CASK: variants seen among roughly 807,000 people sequenced by gnomAD.
CASK encodes the protein calcium/calmodulin dependent serine protein kinase, also known as peripheral plasma membrane protein CASK.
CASK carries 4 observed loss-of-function variants against 82.9 expected under a neutral mutation model. The observed-to-expected ratio is 0.05, with a 90% CI of 0.02 to 0.11. CASK has a LOEUF of 0.11. CASK is among the 10% of genes least tolerant of loss of function. The pLI is 1.00. For missense variants in CASK, 358 were observed against 720.9 expected, an observed-to-expected ratio of 0.50 and a Z score of 5.76; for synonymous variants, 259 against 253.5, an observed-to-expected ratio of 1.02 and a Z score of -0.20.
intron 19 of CASK, chrX:41,556,291 ACAG>A (rs1214863753): frequency 4.4e-5 from 5 of 112,728 alleles, no homozygotes; most frequent in Non-Finnish European, 7.5e-5. Flanking sequence ...TGGGTCATAA[ACAG>A]CAGTATTAGC....
At chrX:41,618,881 C>T (rs1288089787) in intron 11 of CASK, among the ~76,000 whole-genome samples, 3 of 97,794 alleles carry the variant, frequency 3.1e-5, no homozygotes, top group Non-Finnish European at 4.0e-5. Flanking sequence ...GGCTGGAGGG[C>T]GGTGGTGTGA....
intron 5 of CASK, among the ~76,000 whole-genome samples, chrX:41,679,916 A>C (rs2147517762): frequency 9.0e-6 from 1 of 111,411 alleles, no homozygotes; most frequent in African/African-American, 3.3e-5. Flanking sequence ...AACGATTTAA[A>C]TCCATGATGT....
At chrX:41,792,886 T>C (rs1402365369) in intron 2 of CASK, among the ~76,000 whole-genome samples, 1 of 111,574 alleles carries the variant, frequency 9.0e-6, no homozygotes, top group Non-Finnish European at 1.9e-5. Flanking sequence ...AATAACTGCA[T>C]GTGGCTAGTG....
At chrX:41,557,437 T>C (rs1220093490) in intron 18 of CASK, among the ~76,000 whole-genome samples, 1 of 111,439 alleles carries the variant, frequency 9.0e-6, no homozygotes, top group Non-Finnish European at 1.9e-5. Context: ...CCATAAATTA[T>C]CGTGCTGAAG....
chrX:41,550,084 C>T (rs759174622), intron 21 of CASK, among the ~76,000 whole-genome samples: 48 of 110,836 alleles, frequency 4.3e-4, no homozygotes, highest in African/African-American at 1.2e-3. Context: ...TCACTTGAAC[C>T]GGGGAGGCAG....
chrX:41,612,702 T>TG lies in CASK; in HGVS notation c.1034-2678dup, dbSNP rs1243982612. Among the ~76,000 whole-genome samples, 88 of 34,248 alleles carry TG rather than the reference T, an allele frequency of 2.6e-3. 2 individuals carry two copies. Among genetic ancestry groups the TG allele is most frequent in the African/African-American group, 0.01 (88 of 8,382 alleles). 29.7% of individuals were successfully genotyped at this position (34,248 alleles called of 115,157 possible). A position where few individuals can be genotyped will look rare whatever the true frequency, so the allele number is the denominator to read the frequency against. On this transcript the variant is annotated intron_variant, in intron 11 of 26. Coordinates refer to ENST00000378163, the MANE Select transcript of CASK (RefSeq NM_001367721.1). The stretch of plus-strand genomic sequence containing the variant: ...CCAGCCGCCCCGTCCGGGAGGGAGG[T>TG]GGGGGGGTCAGCTCCCCGCCCGGCC...
At chrX:41,717,104 A>G (rs1458636188) in intron 5 of CASK, among the ~76,000 whole-genome samples, 2 of 110,099 alleles carry the variant, frequency 1.8e-5, no homozygotes, top group Non-Finnish European at 3.8e-5. Context: ...CTCCCTGCAC[A>G]CTTCAAATTA....
chrX:41,640,424 G>A (rs2066629357), intron 8 of CASK, among the ~76,000 whole-genome samples: 1 of 110,954 alleles, frequency 9.0e-6, no homozygotes, highest in South Asian at 3.8e-4. Flanking sequence ...GGCTGGTCTC[G>A]ATCTCCTGAC....
chrX:41,819,259 T>C (rs1346284116), intron 2 of CASK, among the ~76,000 whole-genome samples: 1 of 111,146 alleles, frequency 9.0e-6, no homozygotes, highest in Non-Finnish European at 1.9e-5. Context: ...AAGTTATCAA[T>C]ATCAGCAATG....
At chrX:41,887,643 C>T (rs1211966204) in intron 1 of CASK, among the ~76,000 whole-genome samples, 4 of 111,003 alleles carry the variant, frequency 3.6e-5, no homozygotes, top group Non-Finnish European at 7.6e-5. Context: ...TTTAATGTAT[C>T]AGGCACAGCA....
intron 2 of CASK, among the ~76,000 whole-genome samples, chrX:41,791,579 C>T (rs1262919486): frequency 9.2e-6 from 1 of 108,822 alleles, no homozygotes; most frequent in African/African-American, 3.4e-5. Flanking sequence ...AAAAATTAGC[C>T]GGGTGTAGTG....
intron 8 of CASK, among the ~76,000 whole-genome samples, chrX:41,644,793 C>G (rs1602400791): frequency 9.0e-6 from 1 of 111,684 alleles, no homozygotes; most frequent in Admixed American, 9.6e-5. Flanking sequence ...GTACTTGTCT[C>G]TTATGGTCAA....
At chrX:41,869,289 C>A (rs957069466) in intron 1 of CASK, among the ~76,000 whole-genome samples, 3 of 111,405 alleles carry the variant, frequency 2.7e-5, no homozygotes, top group Admixed American at 9.5e-5. Context: ...TGAAAGGCTA[C>A]GCCTAGGGTG....
intron 14 of CASK, among the ~76,000 whole-genome samples, chrX:41,580,362 G>T (rs968222009): frequency 2.7e-5 from 3 of 111,249 alleles, no homozygotes; most frequent in Admixed American, 9.6e-5. Flanking sequence ...TGTATTTTTT[G>T]TAGACACGGG....
At chrX:41,695,736 C>T in intron 5 of CASK, 1 of 1,209,283 alleles carries the variant, frequency 8.3e-7, no homozygotes, top group Non-Finnish European at 1.1e-6. Context: ...CCAACCGCCA[C>T]AAAACTTCTC....
chrX:41,905,090 A>G (rs2072448178), intron 1 of CASK, among the ~76,000 whole-genome samples: 1 of 112,138 alleles, frequency 8.9e-6, no homozygotes, highest in Middle Eastern at 4.6e-3. Context: ...TTATAGTTGA[A>G]TGATATTCCA....
rs1168839069 is a variant in CASK, at chrX:41,519,889, AAAG to A, written c.*528_*530del. 9.0e-6 allele frequency: 1 copy of A among 110,607 alleles called. No homozygotes were observed. Among genetic ancestry groups the A allele is most frequent in the Non-Finnish European group, 1.9e-5 (1 of 52,936 alleles). 9.1% of individuals were successfully genotyped at this position (110,607 alleles called of 1,213,427 possible). A position where few individuals can be genotyped will look rare whatever the true frequency, so the allele number is the denominator to read the frequency against. On this transcript the variant is annotated 3_prime_UTR_variant, in exon 27 of 27. Transcript: ENST00000378163. ...AAAAAATACTATTCTAAAAAAAAAAAAAGAGAGAAAAAAGGCCTTTAAAAATTT... is the reference window on the plus strand; with the variant it reads ...AAAAAATACTATTCTAAAAAAAAAAAAGAGAAAAAAGGCCTTTAAAAATTT...
intron 5 of CASK, among the ~76,000 whole-genome samples, chrX:41,687,797 A>C (rs1297244968): frequency 9.2e-6 from 1 of 108,782 alleles, no homozygotes; most frequent in Non-Finnish European, 1.9e-5. Context: ...TGTCTCTATT[A>C]AAAATACAAA....
At chrX:41,669,259 TG>T (rs1192867802) in intron 6 of CASK, among the ~76,000 whole-genome samples, 1 of 110,437 alleles carries the variant, frequency 9.1e-6, no homozygotes, top group South Asian at 3.8e-4. Context: ...CGGTGGGCGG[TG>T]GGGGGGAGTT....
Sources: allele counts gnomAD v4.1 joint callset (sites outside exome capture counted in the v4.1 genomes callset), GRCh38; gene constraint gnomAD v4.1.1; transcripts MANE v1.5; gene names NCBI Gene and HGNC (gene_info 2026-07-23, HGNC 2026-07-21).